The following TMEM232 variants were observed in gnomAD, a reference collection of about 807,000 sequenced individuals.
The protein encoded by TMEM232 is transmembrane protein 232.
A neutral mutation model predicts 78.8 loss-of-function variants in TMEM232; 80 were observed. The ratio of observed to expected loss-of-function variants is 1.01; its 90% CI spans 0.85 to 1.22. The LOEUF (loss-of-function observed/expected upper bound fraction) is 1.22, where lower values mean the gene tolerates loss of function less well. Ranked by LOEUF, TMEM232 falls within the 50% of genes most tolerant of loss-of-function variation. The pLI is 0.00. For missense variants in TMEM232, 881 were observed against 742.2 expected, an observed-to-expected ratio of 1.19 and a Z score of -2.17; for synonymous variants, 297 against 254.3, an observed-to-expected ratio of 1.17 and a Z score of -1.60.
intron 5 of TMEM232, among the ~76,000 whole-genome samples, chr5:110,632,772 C>T (rs1022826001): frequency 1.3e-5 from 2 of 151,778 alleles, no homozygotes; most frequent in Non-Finnish European, 2.9e-5. Context: ...ATAAAGTGAC[C>T]AAATACATGA....
chr5:110,559,085 C>A (rs944346174), intron 11 of TMEM232, among the ~76,000 whole-genome samples: 2 of 152,134 alleles, frequency 1.3e-5, no homozygotes. Context: ...CTAGCTACAT[C>A]TAGTCAGCCA....
intron 2 of TMEM232, among the ~76,000 whole-genome samples, chr5:110,401,049 C>A (rs73782456): frequency 0.014 from 2,103 of 152,084 alleles, 54 homozygotes; most frequent in African/African-American, 0.048. Context: ...TGCATCACAG[C>A]AGAAAAATAT....
At chr5:110,457,570 T>A (rs952076738) in intron 12 of TMEM232, among the ~76,000 whole-genome samples, 2 of 152,070 alleles carry the variant, frequency 1.3e-5, no homozygotes, top group African/African-American at 4.8e-5. Context: ...GTGATATATA[T>A]GGTCATCAAA....
chr5:110,497,695 T>C (rs1320868521), intron 12 of TMEM232, among the ~76,000 whole-genome samples: 1 of 152,098 alleles, frequency 6.6e-6, no homozygotes, highest in African/African-American at 2.4e-5. Context: ...CCTCAATACG[T>C]AGAACTTTCT....
chr5:110,483,037 G>A (rs1348044421), intron 12 of TMEM232, among the ~76,000 whole-genome samples: 1 of 152,082 alleles, frequency 6.6e-6, no homozygotes, highest in African/African-American at 2.4e-5. Flanking sequence ...AAGTATAAAT[G>A]TATTTTTGTT....
At chr5:110,476,088 GT>G (rs913186459) in intron 12 of TMEM232, among the ~76,000 whole-genome samples, 2 of 151,716 alleles carry the variant, frequency 1.3e-5, no homozygotes, top group Non-Finnish European at 2.9e-5. Flanking sequence ...GAATTCTTTA[GT>G]TTTTTTAATA....
chr5:110,524,404 AAAGAAAG>A (rs1403969741), intron 12 of TMEM232, among the ~76,000 whole-genome samples: 1,586 of 67,172 alleles, frequency 0.024, 12 homozygotes, highest in African/African-American at 0.039. Context: ...AGAAAGAAAG[AAAGAAAG>A]AAAGAAAAGA....
chr5:110,738,086 G>A (rs1035684432), exon 1 of TMEM232: 2 of 387,802 alleles, frequency 5.2e-6, no homozygotes, highest in Non-Finnish European at 4.2e-6. Context: ...ATCAAGGTTC[G>A]CATCTGGAAG....
At chr5:110,494,230 A>T (rs765157861) in intron 12 of TMEM232, among the ~76,000 whole-genome samples, 2 of 152,164 alleles carry the variant, frequency 1.3e-5, no homozygotes, top group South Asian at 4.1e-4. Context: ...TTCATAAATG[A>T]TCATAAAACA....
chr5:110,493,709 C>A (rs902109542), intron 12 of TMEM232, among the ~76,000 whole-genome samples: 9 of 151,774 alleles, frequency 5.9e-5, no homozygotes, highest in African/African-American at 2.2e-4. Flanking sequence ...ACTTTTTAAG[C>A]TCTTGGGAAA....
intron 1 of TMEM232, among the ~76,000 whole-genome samples, chr5:110,704,950 G>A (rs1030085198): frequency 2.0e-5 from 3 of 151,970 alleles, no homozygotes; most frequent in African/African-American, 7.2e-5. Context: ...TGTGACTGGA[G>A]GTCTATGAAA....
At chr5:110,647,125 G>A (rs1363917198) in intron 2 of TMEM232, among the ~76,000 whole-genome samples, 3 of 151,860 alleles carry the variant, frequency 2.0e-5, no homozygotes, top group Non-Finnish European at 2.9e-5. Flanking sequence ...GACTTTGTGT[G>A]CAAGCATTGT....
chr5:110,506,102 CTG>C lies in TMEM232; in HGVS notation c.1703+22484_1703+22485del, dbSNP rs1253437633. On this transcript the variant is annotated intron_variant, in intron 12 of 13. Coordinates refer to ENST00000455884, the MANE Select transcript of TMEM232 (RefSeq NM_001039763.4). ...TAACTCTCTAAGTTTTCTTCCAAGA[CTG>C]TGATAACCACAGTAATGTTCTGTGG... Among the ~76,000 whole-genome samples the C allele has an allele frequency of 2.0e-5, 3 of 152,286 alleles. No homozygotes were observed. In the South Asian group the frequency reaches 6.2e-4, roughly 32 times the overall value.
chr5:110,521,019 T>C (rs536820344), intron 12 of TMEM232, among the ~76,000 whole-genome samples: 6 of 152,182 alleles, frequency 3.9e-5, no homozygotes, highest in Admixed American at 1.3e-4. Context: ...TAAACAGTAT[T>C]GGCTGAGCTC....
At position 110,733,789 on chromosome 5, in the gene TMEM232, A is replaced by C. The variant is rs1224663485; in HGVS notation, c.-13+1114T>G. Reference sequence around the variant, plus strand: ...CTGTACAACAAACCCCTGTGACATAAATTTAGCTACATAATAAACCTGCAC... The same window carrying C: ...CTGTACAACAAACCCCTGTGACATACATTTAGCTACATAATAAACCTGCAC... On this transcript the variant is annotated intron_variant, in intron 2 of 4. Transcript: ENST00000512886. Among the ~76,000 whole-genome samples the C allele has an allele frequency of 2.6e-5, 4 of 152,294 alleles. No individual in the cohort carries two copies. The East Asian group carries it at 7.7e-4, about 29-fold the overall frequency.
At chr5:110,686,995 G>A (rs1207952664) in intron 1 of TMEM232, among the ~76,000 whole-genome samples, 1 of 152,032 alleles carries the variant, frequency 6.6e-6, no homozygotes, top group Admixed American at 6.6e-5. Context: ...ATCTTCAAAG[G>A]AGCACTGTTA....
chr5:110,511,986 C>T (rs920280628), intron 12 of TMEM232, among the ~76,000 whole-genome samples: 21 of 152,228 alleles, frequency 1.4e-4, no homozygotes, highest in African/African-American at 4.8e-4. Flanking sequence ...CATATAGCCT[C>T]CCTTCCCTGA....
rs555693039 is a variant in TMEM232, at chr5:110,487,942, ATTC to A, written c.1703+40643_1703+40645del. On this transcript the variant is annotated intron_variant, in intron 12 of 13. Transcript: ENST00000455884. ...TTGCAACCCCCATCAAAATACCACC[ATTC>A]TTCTTTGAATGTCTGGTAGAATTCT... is the stretch of plus-strand genomic sequence containing the variant. Among the ~76,000 whole-genome samples the A allele has an allele frequency of 2.6e-3, 401 of 152,164 alleles. 2 individuals carry two copies. Among genetic ancestry groups the A allele is most frequent in the African/African-American group, 9.4e-3 (389 of 41,540 alleles).
intron 12 of TMEM232, among the ~76,000 whole-genome samples, chr5:110,478,504 G>T (rs1177534868): frequency 6.6e-6 from 1 of 151,804 alleles, no homozygotes; most frequent in African/African-American, 2.4e-5. Flanking sequence ...CCATTTTTGG[G>T]CTTGGATTAT....
Sources: allele counts gnomAD v4.1 joint callset (sites outside exome capture counted in the v4.1 genomes callset), GRCh38; gene constraint gnomAD v4.1.1; transcripts MANE v1.5; gene names NCBI Gene and HGNC (gene_info 2026-07-23, HGNC 2026-07-21).